The following CCSER1 variants were observed in gnomAD, a reference collection of about 807,000 sequenced individuals.
CCSER1 encodes serine-rich coiled-coil domain-containing protein 1.
In CCSER1, 41 loss-of-function variants were observed where a neutral mutation model predicts 82.0. That is an observed-to-expected ratio of 0.50 (90% confidence interval 0.39 to 0.65). CCSER1 has a LOEUF of 0.65. Among genes scored for constraint, CCSER1 ranks in the 30% least tolerant of loss-of-function variants. The pLI is 0.00. For synonymous variants in CCSER1, 414 were observed against 383.9 expected, an observed-to-expected ratio of 1.08 and a Z score of -0.92; for missense variants, 1,119 against 1,064.2, an observed-to-expected ratio of 1.05 and a Z score of -0.72.
At chr4:91,137,460 C>A (rs1359819104) in intron 10 of CCSER1, among the ~76,000 whole-genome samples, 1 of 68,204 alleles carries the variant, frequency 1.5e-5, no homozygotes, top group Non-Finnish European at 3.1e-5. Context: ...TGAATAATGC[C>A]GCAATAAACA....
chr4:90,424,189 T>TC (rs1757197512), intron 4 of CCSER1, among the ~76,000 whole-genome samples: 1 of 152,062 alleles, frequency 6.6e-6, no homozygotes, highest in Non-Finnish European at 1.5e-5. Context: ...AACTTTTTTT[T>TC]CTTTAAAGAG....
intron 10 of CCSER1, among the ~76,000 whole-genome samples, chr4:91,440,373 C>T (rs1041607227): frequency 5.9e-5 from 9 of 152,026 alleles, no homozygotes; most frequent in South Asian, 2.1e-4. Context: ...CTACTGGGTA[C>T]GTAACGAAAT....
intron 1 of CCSER1, among the ~76,000 whole-genome samples, chr4:90,253,755 T>C (rs1199241777): frequency 6.6e-6 from 1 of 152,194 alleles, no homozygotes; most frequent in Non-Finnish European, 1.5e-5. Flanking sequence ...ATGCACACAC[T>C]CTGGTCTTTG....
At chr4:90,470,345 C>G (rs900054192) in intron 5 of CCSER1, among the ~76,000 whole-genome samples, 1 of 152,114 alleles carries the variant, frequency 6.6e-6, no homozygotes, top group African/African-American at 2.4e-5. Flanking sequence ...TTATGTCCTA[C>G]ATACCCAACA....
intron 7 of CCSER1, among the ~76,000 whole-genome samples, chr4:90,730,629 A>G (rs1022582764): frequency 1.3e-5 from 2 of 152,202 alleles, no homozygotes; most frequent in African/African-American, 2.4e-5. Flanking sequence ...AAAGCGCAAT[A>G]TGAAGGATAG....
At chr4:91,465,473 G>A (rs949113101) in intron 10 of CCSER1, among the ~76,000 whole-genome samples, 5 of 152,098 alleles carry the variant, frequency 3.3e-5, no homozygotes, top group African/African-American at 9.7e-5. Context: ...ATATTCAAAA[G>A]CTAGCAGAAG....
At chr4:91,174,733 T>G (rs968417581) in intron 10 of CCSER1, among the ~76,000 whole-genome samples, 3 of 152,180 alleles carry the variant, frequency 2.0e-5, no homozygotes, top group Non-Finnish European at 4.4e-5. Flanking sequence ...TGAGTTAATT[T>G]CTATGATGAT....
chr4:91,509,946 T>A (rs1392869088), intron 10 of CCSER1, among the ~76,000 whole-genome samples: 1 of 152,178 alleles, frequency 6.6e-6, no homozygotes, highest in Non-Finnish European at 1.5e-5. Context: ...CGATTGATCC[T>A]GTCACCGAGG....
At chr4:90,711,840 A>T (rs952082201) in intron 6 of CCSER1, among the ~76,000 whole-genome samples, 2 of 151,812 alleles carry the variant, frequency 1.3e-5, no homozygotes, top group Non-Finnish European at 2.9e-5. Flanking sequence ...TGCTGGCCTC[A>T]TAGAATGAAC....
At chr4:90,357,168 C>T (rs551346608) in intron 3 of CCSER1, among the ~76,000 whole-genome samples, 1 of 151,772 alleles carries the variant, frequency 6.6e-6, no homozygotes, top group African/African-American at 2.4e-5. Flanking sequence ...CATAACTGTG[C>T]AAAATATTAC....
In CCSER1 at chr4:90,400,038, T is replaced by C; in HGVS notation, c.1512T>C (p.Asp504=). Reference sequence around the variant, plus strand: ...TGTTGGTTTTGATTTTTCTTCAGGATGTTTTGAATAATTTGGGATCTTGTG... The same window carrying C: ...TGTTGGTTTTGATTTTTCTTCAGGACGTTTTGAATAATTTGGGATCTTGTG... ...GSSSSKMNSL[D]VLNNLGSCEL... is the part of the protein sequence containing the mutation. The change falls in exon 4 of 11, where the codon GAT becomes GAC. Residue 504 remains aspartate (D), a splice_region_variant and synonymous_variant. Transcript: ENST00000509176. The C allele has an allele frequency of 1.3e-6, 2 of 1,587,040 alleles. No individual in the cohort carries two copies. The highest frequency in any genetic ancestry group is 1.7e-6 in the Non-Finnish European group (2 of 1,157,524).
At chr4:90,559,755 C>A (rs142651283) in intron 5 of CCSER1, among the ~76,000 whole-genome samples, 8,976 of 143,336 alleles carry the variant, frequency 0.063, 428 homozygotes, top group African/African-American at 0.13. Context: ...GCTTGCAGTG[C>A]GCCGAGATCG....
chr4:91,573,211 A>G (rs889145575), intron 10 of CCSER1, among the ~76,000 whole-genome samples: 2 of 152,216 alleles, frequency 1.3e-5, no homozygotes, highest in African/African-American at 4.8e-5. Flanking sequence ...GCACCCAAAC[A>G]GTAAGGATGG....
At chr4:90,232,989 G>T (rs964479481) in intron 1 of CCSER1, among the ~76,000 whole-genome samples, 1 of 151,356 alleles carries the variant, frequency 6.6e-6, no homozygotes, top group Admixed American at 6.6e-5. Context: ...TGCTGGAGAG[G>T]ATGTGGAGAA....
At position 91,322,773 on chromosome 4, in the gene CCSER1, T is replaced by C. The variant is rs145052026; in HGVS notation, c.2217+236779T>C. On this transcript the variant is annotated intron_variant, in intron 10 of 10. Transcript: ENST00000509176. ...GAAAATCTGATAGCTTCAGTAGATATGAGGCCTAGCAAACATGCCAGATGA... is the reference window on the plus strand; with the variant it reads ...GAAAATCTGATAGCTTCAGTAGATACGAGGCCTAGCAAACATGCCAGATGA... Among the ~76,000 whole-genome samples, 312 of 152,226 alleles carry C rather than the reference T, an allele frequency of 2.0e-3. 2 individuals carry two copies. Among genetic ancestry groups the C allele is most frequent in the African/African-American group, 7.4e-3 (306 of 41,560 alleles).
intron 10 of CCSER1, among the ~76,000 whole-genome samples, chr4:91,178,513 T>C (rs1199889900): frequency 1.3e-5 from 2 of 152,216 alleles, no homozygotes; most frequent in Non-Finnish European, 2.9e-5. Context: ...GCATATATAT[T>C]TAGGATAGTT....
intron 10 of CCSER1, among the ~76,000 whole-genome samples, chr4:91,490,185 T>G (rs1758441074): frequency 6.6e-6 from 1 of 152,130 alleles, no homozygotes; most frequent in Admixed American, 6.5e-5. Flanking sequence ...AGTGTGAAGC[T>G]TCCTCAAACA....
intron 9 of CCSER1, among the ~76,000 whole-genome samples, chr4:90,972,283 A>T (rs1027952467): frequency 1.3e-5 from 2 of 151,904 alleles, no homozygotes; most frequent in African/African-American, 4.8e-5. Context: ...AATTCAATAA[A>T]GTAACAGGAT....
chr4:91,066,355 A>G (rs187540752), intron 9 of CCSER1, among the ~76,000 whole-genome samples: 2 of 152,304 alleles, frequency 1.3e-5, no homozygotes, highest in Non-Finnish European at 2.9e-5. Flanking sequence ...TTAGCGACAG[A>G]GGAGAAATGA....
Sources: allele counts gnomAD v4.1 joint callset (sites outside exome capture counted in the v4.1 genomes callset), GRCh38; gene constraint gnomAD v4.1.1; transcripts MANE v1.5; gene names NCBI Gene and HGNC (gene_info 2026-07-23, HGNC 2026-07-21).